PRELID2: variants seen among roughly 807,000 people sequenced by gnomAD.
The protein encoded by PRELID2 is PRELI domain containing 2.
Under a neutral mutation model 28.4 loss-of-function variants are expected in PRELID2, and 25 were observed. The ratio of observed to expected loss-of-function variants is 0.88; its 90% CI spans 0.64 to 1.23. The LOEUF is 1.23. PRELID2 is among the 50% of genes most tolerant of loss of function. The probability of loss-of-function intolerance (pLI) is 0.00; values close to 1 mark genes in which losing one functional copy is unlikely to be tolerated. For missense variants in PRELID2, 201 were observed against 214.4 expected (o/e 0.94, Z 0.39); for synonymous variants, 76 against 71.6 (o/e 1.06, Z -0.31).
chr5:145,664,601 T>G (rs927940624), intron 1 of PRELID2, among the ~76,000 whole-genome samples: 29 of 152,084 alleles, frequency 1.9e-4, no homozygotes, highest in African/African-American at 6.8e-4. Context: ...TTAATCTAAC[T>G]CTTTGAGCCA....
chr5:145,740,648 T>TA (rs1756658281), intron 1 of PRELID2, among the ~76,000 whole-genome samples: 2 of 109,210 alleles, frequency 1.8e-5, no homozygotes, highest in Non-Finnish European at 3.4e-5. Context: ...AATATATATA[T>TA]TTTATATATA....
At chr5:145,473,896 T>C (rs1433504100) in intron 1 of PRELID2, among the ~76,000 whole-genome samples, 2 of 152,236 alleles carry the variant, frequency 1.3e-5, no homozygotes, top group Non-Finnish European at 2.9e-5. Flanking sequence ...TTACATAGTG[T>C]AAAATATTCA....
chr5:145,741,352 T>G (rs1313464512), intron 1 of PRELID2, among the ~76,000 whole-genome samples: 2 of 117,378 alleles, frequency 1.7e-5, no homozygotes, highest in Non-Finnish European at 3.2e-5. Context: ...AATTTATTAA[T>G]AAATAATTTA....
In PRELID2 at chr5:145,708,114, TG is replaced by T. The variant is rs1755595654; in HGVS notation, n.70+56816del. 7.2e-5 allele frequency among the ~76,000 whole-genome samples: 11 copies of T among 152,202 alleles called. No homozygotes were observed. The South Asian group carries it at 2.3e-3, about 32-fold the overall frequency. On this transcript the variant is annotated intron_variant and non_coding_transcript_variant, in intron 1 of 2. Transcript: ENST00000510259. ...TATTGGGGTGTCTCCAAAGCACTCTTGGGGTGGTTGGGGGTAGAGAGAACAG... is the reference window on the plus strand; with the variant it reads ...TATTGGGGTGTCTCCAAAGCACTCTTGGGTGGTTGGGGGTAGAGAGAACAG...
intron 1 of PRELID2, among the ~76,000 whole-genome samples, chr5:145,679,769 G>T (rs1310054390): frequency 6.6e-6 from 1 of 150,818 alleles, no homozygotes; most frequent in African/African-American, 2.4e-5. Flanking sequence ...GCTGACCCAA[G>T]GCTTGAGTGG....
At chr5:145,780,660 G>C (rs918659632) in intron 5 of PRELID2, among the ~76,000 whole-genome samples, 17 of 152,106 alleles carry the variant, frequency 1.1e-4, no homozygotes, top group African/African-American at 3.6e-4. Flanking sequence ...AGTATGATAA[G>C]TTTTTAAATT....
chr5:145,426,007 C>G, the PRELID2 span, among the ~76,000 whole-genome samples: 9 of 152,158 alleles, frequency 5.9e-5, no homozygotes, highest in African/African-American at 1.9e-4. Flanking sequence ...CAGCTCAAGT[C>G]TCACTTACTC....
chr5:145,280,805 A>G, the PRELID2 span, among the ~76,000 whole-genome samples: 1 of 5,146 alleles, frequency 1.9e-4, no homozygotes, highest in South Asian at 0.17. Flanking sequence ...TGATTCATGA[A>G]AAAAAAAAAA....
chr5:145,824,463 T>TGTGA lies in PRELID2; in HGVS notation c.76-1330_76-1329insTCAC, dbSNP rs373555427. 8.3e-3 allele frequency among the ~76,000 whole-genome samples: 1,198 copies of TGTGA among 143,628 alleles called. 15 individuals are homozygous for TGTGA. The highest frequency in any genetic ancestry group is 0.02 in the African/African-American group (805 of 39,282). The allele number at this position is 143,628 out of a possible 152,430, so 94.2% of individuals were successfully genotyped here. A position where few individuals can be genotyped will look rare whatever the true frequency, so the allele number is the denominator to read the frequency against. On this transcript the variant is annotated intron_variant, in intron 1 of 6. Coordinates refer to ENST00000683046, the MANE Select transcript of PRELID2 (RefSeq NM_205846.3). ...GTGTGTGTGTGTGTGTGTGTGTGTGTGATATTGATTTATTAATGGATTTTT... is the reference window on the plus strand; with the variant it reads ...GTGTGTGTGTGTGTGTGTGTGTGTGTGTGAGATATTGATTTATTAATGGATTTTT...
chr5:145,445,409 C>T, the PRELID2 span, among the ~76,000 whole-genome samples: 1 of 151,988 alleles, frequency 6.6e-6, no homozygotes, highest in Non-Finnish European at 1.5e-5. Context: ...TATGTAAGAA[C>T]TGAAACTATG....
At chr5:145,740,968 T>C (rs1218240012) in intron 1 of PRELID2, among the ~76,000 whole-genome samples, 1 of 88,000 alleles carries the variant, frequency 1.1e-5, no homozygotes, top group Non-Finnish European at 2.0e-5. Context: ...ATAAAGTATA[T>C]ATTATATATT....
the PRELID2 span, among the ~76,000 whole-genome samples, chr5:145,261,780 GTT>G: frequency 1.3e-5 from 2 of 152,186 alleles, no homozygotes; most frequent in African/African-American, 4.8e-5. Context: ...TGACAACAAG[GTT>G]TTTAACACCC....
chr5:145,359,156 A>G, the PRELID2 span, among the ~76,000 whole-genome samples: 2 of 152,236 alleles, frequency 1.3e-5, no homozygotes, highest in Non-Finnish European at 2.9e-5. Context: ...AATGCCAATT[A>G]TAATCTTTGA....
At chr5:145,446,875 C>T in the PRELID2 span, among the ~76,000 whole-genome samples, 1 of 151,704 alleles carries the variant, frequency 6.6e-6, no homozygotes, top group African/African-American at 2.4e-5. Context: ...AGTGAAACCT[C>T]GTCTCTACTA....
chr5:145,229,223 C>G, the PRELID2 span: 2 of 798,138 alleles, frequency 2.5e-6, no homozygotes, highest in Non-Finnish European at 4.5e-6. Flanking sequence ...CGCTGGCCCC[C>G]CAGATGAAGG....
intron 1 of PRELID2, among the ~76,000 whole-genome samples, chr5:145,525,600 G>A (rs1025101926): frequency 6.6e-6 from 1 of 152,030 alleles, no homozygotes; most frequent in African/African-American, 2.4e-5. Context: ...GACAGTTTTT[G>A]GGTTCTTTTT....
intron 1 of PRELID2, among the ~76,000 whole-genome samples, chr5:145,691,610 C>T (rs751688957): frequency 1.3e-5 from 2 of 151,860 alleles, no homozygotes; most frequent in Admixed American, 6.6e-5. Context: ...CCCAGCTACT[C>T]GGGAGGCTGA....
chr5:145,662,803 C>T (rs938298872), intron 1 of PRELID2, among the ~76,000 whole-genome samples: 7 of 152,000 alleles, frequency 4.6e-5, no homozygotes, highest in African/African-American at 9.7e-5. Context: ...TTACGAGATG[C>T]GGCCCCTCAC....
At chr5:145,351,779 T>C in the PRELID2 span, among the ~76,000 whole-genome samples, 1 of 152,150 alleles carries the variant, frequency 6.6e-6, no homozygotes, top group African/African-American at 2.4e-5. Context: ...ACTTCCTAGA[T>C]ACAATACAGG....
Sources: allele counts gnomAD v4.1 joint callset (sites outside exome capture counted in the v4.1 genomes callset), GRCh38; gene constraint gnomAD v4.1.1; transcripts MANE v1.5; gene names NCBI Gene and HGNC (gene_info 2026-07-23, HGNC 2026-07-21).